AUTS2: variants seen among roughly 807,000 people sequenced by gnomAD.
AUTS2 encodes autism susceptibility gene 2 protein.
Under a neutral mutation model 112.4 loss-of-function variants are expected in AUTS2, and 17 were observed. The ratio of observed to expected loss-of-function variants is 0.15; its 90% CI spans 0.10 to 0.23. The LOEUF is 0.23. Among genes scored for constraint, AUTS2 ranks in the 10% least tolerant of loss-of-function variants. The probability of loss-of-function intolerance (pLI) is 1.00; values close to 1 mark genes in which losing one functional copy is unlikely to be tolerated. For synonymous variants in AUTS2, 751 were observed against 702.7 expected (o/e 1.07, Z -1.09); for missense variants, 1,510 against 1,701.6 (o/e 0.89, Z 1.98).
At chr7:70,053,035 G>A (rs1254142936) in intron 2 of AUTS2, among the ~76,000 whole-genome samples, 1 of 152,186 alleles carries the variant, frequency 6.6e-6, no homozygotes, top group African/African-American at 2.4e-5. Flanking sequence ...CTCAGGCTGT[G>A]CTATTTGCTT....
At chr7:70,649,264 A>G (rs1047159666) in intron 5 of AUTS2, among the ~76,000 whole-genome samples, 6 of 150,860 alleles carry the variant, frequency 4.0e-5, no homozygotes, top group South Asian at 2.1e-4. Context: ...ACGAAACCCC[A>G]TGGAGCATGT....
chr7:69,741,278 G>A (rs1405191137), intron 1 of AUTS2, among the ~76,000 whole-genome samples: 1 of 152,118 alleles, frequency 6.6e-6, no homozygotes, highest in Non-Finnish European at 1.5e-5. Flanking sequence ...TCGAATCTGG[G>A]CACCACCATT....
chr7:70,659,618 G>T (rs1806961996), intron 5 of AUTS2, among the ~76,000 whole-genome samples: 1 of 152,192 alleles, frequency 6.6e-6, no homozygotes, highest in African/African-American at 2.4e-5. Context: ...ACATTACTGG[G>T]AGGATACCAT....
At chr7:70,389,178 A>G (rs557770681) in intron 4 of AUTS2, among the ~76,000 whole-genome samples, 310 of 152,276 alleles carry the variant, frequency 2.0e-3, no homozygotes, top group Non-Finnish European at 3.8e-3. Context: ...CTCAACCTTA[A>G]GCAAATTTAG....
chr7:70,365,859 G>A (rs1341439999), intron 4 of AUTS2, among the ~76,000 whole-genome samples: 1 of 152,180 alleles, frequency 6.6e-6, no homozygotes, highest in Non-Finnish European at 1.5e-5. Flanking sequence ...TGGTCTTCCA[G>A]GGCAACCTGG....
intron 2 of AUTS2, among the ~76,000 whole-genome samples, chr7:70,092,330 T>A (rs1803964110): frequency 6.6e-6 from 1 of 152,146 alleles, no homozygotes; most frequent in Admixed American, 6.5e-5. Flanking sequence ...GTTTTTGAGC[T>A]GATAAAATCC....
chr7:70,355,000 G>T (rs1226010369), intron 4 of AUTS2, among the ~76,000 whole-genome samples: 3 of 150,552 alleles, frequency 2.0e-5, no homozygotes, highest in Non-Finnish European at 3.0e-5. Flanking sequence ...GTGTGTATGG[G>T]TGTGTGTGTA....
chr7:70,044,207 C>CT (rs1419790592), intron 2 of AUTS2, among the ~76,000 whole-genome samples: 1 of 152,180 alleles, frequency 6.6e-6, no homozygotes, highest in African/African-American at 2.4e-5. Context: ...GGTGCAGGTC[C>CT]TCCAGGCTGA....
At chr7:70,125,456 TGTAA>T (rs1805919991) in intron 3 of AUTS2, among the ~76,000 whole-genome samples, 1 of 152,214 alleles carries the variant, frequency 6.6e-6, no homozygotes, top group Non-Finnish European at 1.5e-5. Flanking sequence ...GTGTGGGCTT[TGTAA>T]GTTCTTCCTC....
At chr7:70,279,055 A>T (rs112676254) in intron 4 of AUTS2, among the ~76,000 whole-genome samples, 3 of 152,244 alleles carry the variant, frequency 2.0e-5, no homozygotes, top group Non-Finnish European at 2.9e-5. Context: ...ATTTATAATA[A>T]TGCATTTAAT....
chr7:70,122,275 A>G (rs890599291), intron 3 of AUTS2, among the ~76,000 whole-genome samples: 8 of 152,160 alleles, frequency 5.3e-5, no homozygotes, highest in African/African-American at 1.9e-4. Flanking sequence ...GATAGTCATG[A>G]CAGTTGCTCA....
intron 4 of AUTS2, among the ~76,000 whole-genome samples, chr7:70,183,111 A>T (rs956290239): frequency 6.6e-6 from 1 of 152,186 alleles, no homozygotes; most frequent in Non-Finnish European, 1.5e-5. Context: ...AAGCTGATGT[A>T]CTGGAGATGA....
At chr7:70,311,791 A>T (rs1466687261) in intron 4 of AUTS2, among the ~76,000 whole-genome samples, 1 of 151,930 alleles carries the variant, frequency 6.6e-6, no homozygotes. Context: ...ATCTCTGCTC[A>T]CTGCAAGCTC....
At position 70,579,475 on chromosome 7, in the gene AUTS2, C is replaced by T. The variant is rs561776785; in HGVS notation, c.691-119094C>T. ...TAATTTGCTAATAAAAAAAATGGTG[C>T]TGCCCTGTTCCTTATTTGCTTTATT... On this transcript the variant is annotated intron_variant, in intron 5 of 18. Coordinates refer to ENST00000342771, the MANE Select transcript of AUTS2 (RefSeq NM_015570.4). 2.0e-5 allele frequency among the ~76,000 whole-genome samples: 3 copies of T among 152,106 alleles called. No individual in the cohort carries two copies. In the South Asian group the frequency reaches 6.2e-4, roughly 32 times the overall value.
intron 5 of AUTS2, among the ~76,000 whole-genome samples, chr7:70,564,642 C>T (rs1801627413): frequency 1.3e-5 from 2 of 152,204 alleles, no homozygotes. Flanking sequence ...AAATCATTCA[C>T]TGAACACCAG....
intron 4 of AUTS2, among the ~76,000 whole-genome samples, chr7:70,264,627 G>A (rs936708497): frequency 6.6e-6 from 1 of 152,112 alleles, no homozygotes; most frequent in Non-Finnish European, 1.5e-5. Flanking sequence ...TAATTTTTTG[G>A]CTATGGGACT....
intron 2 of AUTS2, among the ~76,000 whole-genome samples, chr7:70,114,685 C>T (rs1003795905): frequency 6.6e-6 from 1 of 152,052 alleles, no homozygotes. Context: ...CCTGTAATCC[C>T]AGCTACTCAG....
chr7:69,647,357 C>CTT lies in AUTS2; in HGVS notation c.309+47409_309+47410dup, dbSNP rs200874078. On this transcript the variant is annotated intron_variant, in intron 1 of 18. Transcript: ENST00000342771. ...TCAAATGGTCAGACACTTTCACTAT[C>CTT]TTTTTTTTTTTTTTTAATGGTCTTG... Among the ~76,000 whole-genome samples, 242 of 142,730 alleles carry CTT rather than the reference C, an allele frequency of 1.7e-3. 2 individuals carry two copies. The highest frequency in any genetic ancestry group is 4.7e-3 in the African/African-American group (185 of 39,002). The allele number at this position is 142,730 out of a possible 152,430, so 93.6% of individuals were successfully genotyped here.
At chr7:70,451,301 C>T (rs1796518843) in intron 5 of AUTS2, among the ~76,000 whole-genome samples, 1 of 152,100 alleles carries the variant, frequency 6.6e-6, no homozygotes, top group Admixed American at 6.5e-5. Context: ...ATTAGAAGCC[C>T]AAACCTCAGT....
Sources: gnomAD v4.1 joint callset for allele counts (sites outside exome capture counted in the v4.1 genomes callset) on GRCh38, gnomAD v4.1.1 for gene constraint, MANE v1.5 for transcripts, NCBI Gene and HGNC (gene_info 2026-07-23, HGNC 2026-07-21) for gene names.